The following PTPRJ variants were observed in gnomAD, a reference collection of about 807,000 sequenced individuals.
The protein encoded by PTPRJ is receptor-type tyrosine-protein phosphatase eta.
PTPRJ carries 129 observed loss-of-function variants against 141.3 expected under a neutral mutation model. That is an observed-to-expected ratio of 0.91 (90% CI 0.79 to 1.06). The LOEUF (loss-of-function observed/expected upper bound fraction) is 1.06. Ranked by LOEUF, PTPRJ falls within the 50% of genes least tolerant of loss-of-function variation. PTPRJ has a pLI of 0.00. For synonymous variants in PTPRJ, 610 were observed against 640.5 expected (o/e 0.95, Z 0.72); for missense variants, 1,601 against 1,679.7 (o/e 0.95, Z 0.82).
intron 1 of PTPRJ, among the ~76,000 whole-genome samples, chr11:48,030,982 A>G (rs1044399591): frequency 3.9e-5 from 6 of 152,114 alleles, no homozygotes; most frequent in Non-Finnish European, 5.9e-5. Flanking sequence ...GGAGGAAGAG[A>G]CTGGATGTTA....
At chr11:48,141,508 C>T (rs1857228137) in intron 11 of PTPRJ, among the ~76,000 whole-genome samples, 1 of 152,144 alleles carries the variant, frequency 6.6e-6, no homozygotes, top group Non-Finnish European at 1.5e-5. Context: ...CAGGTCTCAG[C>T]AGAAAGTGTG....
intron 21 of PTPRJ, among the ~76,000 whole-genome samples, chr11:48,157,829 G>T (rs1857649879): frequency 1.3e-5 from 2 of 152,276 alleles, no homozygotes; most frequent in South Asian, 4.1e-4. Context: ...AGGAGAATAG[G>T]CTGTAATAGA....
chr11:48,109,177 G>T (rs1247187315), intron 1 of PTPRJ, among the ~76,000 whole-genome samples: 1 of 152,102 alleles, frequency 6.6e-6, no homozygotes, highest in African/African-American at 2.4e-5. Flanking sequence ...GGGGCTAGTG[G>T]GCTGTGGCTG....
At chr11:48,136,809 C>A (rs1011361372) in intron 9 of PTPRJ, among the ~76,000 whole-genome samples, 194 bp from the exon 10 acceptor site, 9 of 152,184 alleles carry the variant, frequency 5.9e-5, no homozygotes, top group Non-Finnish European at 1.0e-4. Flanking sequence ...CTAAATTAAA[C>A]TTCTTTTGAG....
In PTPRJ at chr11:48,169,393, T is replaced by C. The variant is rs1014753166; in HGVS notation, c.*2031T>C. ...CTTGACCTAACTTCAGAGGGGGCCT[T>C]GGCTCAGTAGGTGTGAATCAGGGAA... On this transcript the variant is annotated 3_prime_UTR_variant, in exon 25 of 25. Coordinates refer to ENST00000418331, the MANE Select transcript of PTPRJ (RefSeq NM_002843.4). The C allele has an allele frequency of 1.3e-5, 2 of 152,242 alleles. No individual in the cohort carries two copies. Among genetic ancestry groups the C allele is most frequent in the African/African-American group, 4.8e-5 (2 of 41,444 alleles). 9.4% of individuals were successfully genotyped at this position (152,242 alleles called of 1,614,324 possible).
rs1855720253 is a variant in PTPRJ at position 48,086,643 on chromosome 11, T to C, written c.97-23415T>C. Among the ~76,000 whole-genome samples, 2 of 152,216 alleles carry C rather than the reference T, an allele frequency of 1.3e-5. 1 individual carries two copies. The highest frequency in any genetic ancestry group is 4.1e-4 in the South Asian group (2 of 4,832). ...CCAGGATGACAGCAGTGACCTTCCA[T>C]GGGATCTTTTCCTGGGATTTATTGA... On this transcript the variant is annotated intron_variant, in intron 1 of 24. Coordinates refer to ENST00000418331, the MANE Select transcript of PTPRJ (RefSeq NM_002843.4).
intron 1 of PTPRJ, among the ~76,000 whole-genome samples, chr11:48,062,828 C>A (rs1161163397): frequency 6.6e-6 from 1 of 152,212 alleles, no homozygotes; most frequent in Admixed American, 6.5e-5. Flanking sequence ...TCTTTATCAG[C>A]CTGGGGCTAA....
At chr11:48,041,335 A>G (rs562343540) in intron 1 of PTPRJ, among the ~76,000 whole-genome samples, 20 of 152,296 alleles carry the variant, frequency 1.3e-4, no homozygotes, top group African/African-American at 4.6e-4. Flanking sequence ...GGTTTGACTA[A>G]TAACTCTCAT....
At chr11:48,014,859 T>G (rs565581827) in intron 1 of PTPRJ, among the ~76,000 whole-genome samples, 1 of 152,142 alleles carries the variant, frequency 6.6e-6, no homozygotes, top group Non-Finnish European at 1.5e-5. Context: ...TGCGCCACCA[T>G]GCCCGGCTAA....
At chr11:48,106,763 C>CTTTTTTTTTTTTTTTTTT (rs35643138) in intron 1 of PTPRJ, among the ~76,000 whole-genome samples, 2 of 86,450 alleles carry the variant, frequency 2.3e-5, no homozygotes, top group Admixed American at 1.3e-4. Context: ...TTCTTTCTTT[C>CTTTTTTTTTTTTTTTTTT]TTTTTTTTTT....
At chr11:48,088,757 G>A (rs563579801) in intron 1 of PTPRJ, among the ~76,000 whole-genome samples, 1 of 152,236 alleles carries the variant, frequency 6.6e-6, no homozygotes, top group African/African-American at 2.4e-5. Context: ...GATGAACTAG[G>A]TACCCAGGAC....
intron 1 of PTPRJ, among the ~76,000 whole-genome samples, chr11:48,104,033 C>G (rs1856226282): frequency 1.3e-5 from 2 of 152,336 alleles, no homozygotes; most frequent in Middle Eastern, 3.4e-3. Flanking sequence ...TCCCCACAGT[C>G]CCTGATGACA....
chr11:48,163,675 G>C, intron 23 of PTPRJ, 57 bp downstream of exon 23: 1 of 1,535,556 alleles, frequency 6.5e-7, no homozygotes, highest in South Asian at 1.1e-5. Flanking sequence ...ATATTTATGA[G>C]CACTTTACAA....
At chr11:48,040,510 C>T (rs965423340) in intron 1 of PTPRJ, among the ~76,000 whole-genome samples, 1 of 152,082 alleles carries the variant, frequency 6.6e-6, no homozygotes, top group Non-Finnish European at 1.5e-5. Flanking sequence ...GCCATTCCAC[C>T]GTCAAAAATT....
intron 2 of PTPRJ, 147 bp downstream of exon 2, chr11:48,110,223 T>A: frequency 1.0e-6 from 1 of 972,570 alleles, no homozygotes; most frequent in Non-Finnish European, 1.5e-6. Context: ...TTCTTTTTTT[T>A]TGAGTTGGAG....
At chr11:48,108,356 G>A (rs1856351508) in intron 1 of PTPRJ, among the ~76,000 whole-genome samples, 1 of 152,162 alleles carries the variant, frequency 6.6e-6, no homozygotes, top group South Asian at 2.1e-4. Flanking sequence ...GGGACAGAGA[G>A]GTTAATTAAG....
chr11:48,119,047 A>G (rs1856638826), intron 3 of PTPRJ, among the ~76,000 whole-genome samples: 1 of 151,176 alleles, frequency 6.6e-6, no homozygotes, highest in African/African-American at 2.4e-5. Context: ...AAAAGAAATA[A>G]TGGTGCCATA....
intron 1 of PTPRJ, among the ~76,000 whole-genome samples, chr11:48,045,643 T>A (rs1014232942): frequency 1.3e-5 from 2 of 152,104 alleles, no homozygotes; most frequent in Non-Finnish European, 2.9e-5. Flanking sequence ...TGGGCAGTGA[T>A]GGGTGGAAGG....
intron 8 of PTPRJ, chr11:48,132,092 C>G: frequency 1.0e-6 from 1 of 978,126 alleles, no homozygotes. Context: ...TAAAGAAGTC[C>G]TGAGAGCAAA....
Sources: allele counts gnomAD v4.1 joint callset (sites outside exome capture counted in the v4.1 genomes callset), GRCh38; gene constraint gnomAD v4.1.1; transcripts MANE v1.5; gene names NCBI Gene and HGNC (gene_info 2026-07-23, HGNC 2026-07-21).